The following CACNB2 variants were observed in gnomAD, a reference collection of about 807,000 sequenced individuals.
CACNB2 encodes the protein calcium voltage-gated channel auxiliary subunit beta 2, also known as voltage-dependent L-type calcium channel subunit beta-2.
CACNB2 carries 42 observed loss-of-function variants against 73.3 expected under a neutral mutation model. The ratio of observed to expected loss-of-function variants is 0.57; its 90% CI spans 0.45 to 0.74. The LOEUF is 0.74. CACNB2 is among the 30% of genes least tolerant of loss of function. The probability of loss-of-function intolerance (pLI) is 0.00; values close to 1 mark genes in which losing one functional copy is unlikely to be tolerated. For missense variants in CACNB2, 940 were observed against 853.0 expected (o/e 1.10, Z -1.27); for synonymous variants, 348 against 310.3 (o/e 1.12, Z -1.28).
intron 5 of CACNB2, among the ~76,000 whole-genome samples, chr10:18,502,986 T>C (rs1203201264): frequency 2.6e-5 from 4 of 152,144 alleles, no homozygotes; most frequent in Non-Finnish European, 5.9e-5. Context: ...AAGTTGCCTG[T>C]AAAGATAACC....
At chr10:18,315,293 C>T (rs2131911522) in intron 2 of CACNB2, among the ~76,000 whole-genome samples, 1 of 151,730 alleles carries the variant, frequency 6.6e-6, no homozygotes, top group African/African-American at 2.4e-5. Context: ...AAGATCACAC[C>T]ACTGCACTCC....
intron 3 of CACNB2, among the ~76,000 whole-genome samples, chr10:18,471,812 G>A (rs1347718578): frequency 1.3e-5 from 2 of 152,144 alleles, no homozygotes; most frequent in East Asian, 1.9e-4. Context: ...AGAAGAAATC[G>A]CTAGGTAGGG....
At chr10:18,402,119 C>T in intron 3 of CACNB2, 76 bp downstream of exon 3, 5 of 1,496,428 alleles carry the variant, frequency 3.3e-6, no homozygotes, top group Non-Finnish European at 4.6e-6. Flanking sequence ...GGGAGTTTCC[C>T]CTAAAGGTTG....
intron 2 of CACNB2, among the ~76,000 whole-genome samples, chr10:18,167,231 T>G (rs1043188016): frequency 6.6e-6 from 1 of 151,672 alleles, no homozygotes; most frequent in African/African-American, 2.4e-5. Flanking sequence ...CACTTATAAG[T>G]GGGTGGGAGC....
intron 2 of CACNB2, among the ~76,000 whole-genome samples, chr10:18,313,584 T>C (rs2040043107): frequency 6.6e-6 from 1 of 152,188 alleles, no homozygotes; most frequent in Admixed American, 6.5e-5. Flanking sequence ...ATGGAATATC[T>C]CAACACTTCC....
At chr10:18,442,447 G>A (rs2046457402) in intron 3 of CACNB2, among the ~76,000 whole-genome samples, 1 of 152,024 alleles carries the variant, frequency 6.6e-6, no homozygotes, top group Admixed American at 6.5e-5. Flanking sequence ...ACCACGCCTG[G>A]CCGAATCTGG....
At position 18,442,980 on chromosome 10, in the gene CACNB2, ATATATG is replaced by A. The variant is rs1389701768; in HGVS notation, c.333+40943_333+40948del. On this transcript the variant is annotated intron_variant, in intron 3 of 13. Transcript: ENST00000324631. ...TATGTATATATATATGTGTATATAT[ATATATG>A]TATATATATATGTGTATATATATAT... Among the ~76,000 whole-genome samples, 37 of 19,814 alleles carry A rather than the reference ATATATG, an allele frequency of 1.9e-3. 2 individuals carry two copies. Among genetic ancestry groups the A allele is most frequent in the African/African-American group, 3.4e-3 (6 of 1,742 alleles). The allele number at this position is 19,814 out of a possible 152,430, so 13.0% of individuals were successfully genotyped here.
chr10:18,180,642 G>C (rs901118342), intron 2 of CACNB2, among the ~76,000 whole-genome samples: 1 of 152,092 alleles, frequency 6.6e-6, no homozygotes, highest in African/African-American at 2.4e-5. Flanking sequence ...GCACAGAGCA[G>C]ATGCTGAGAA....
At chr10:18,385,491 G>T (rs561461819) in intron 2 of CACNB2, among the ~76,000 whole-genome samples, 1 of 151,076 alleles carries the variant, frequency 6.6e-6, no homozygotes, top group Non-Finnish European at 1.5e-5. Flanking sequence ...GCTGGGCGTG[G>T]TGGTGTGTGC....
At chr10:18,183,576 CT>C (rs1301913744) in intron 2 of CACNB2, among the ~76,000 whole-genome samples, 4 of 152,136 alleles carry the variant, frequency 2.6e-5, no homozygotes, top group African/African-American at 9.7e-5. Context: ...GGGAACCCCT[CT>C]TTATAAAACC....
At chr10:18,261,213 A>G (rs906873969) in intron 2 of CACNB2, 2 of 1,550,180 alleles carry the variant, frequency 1.3e-6, no homozygotes, top group East Asian at 2.4e-5. Flanking sequence ...TGACGAGAAG[A>G]CAAGGCACAG....
In CACNB2 at chr10:18,490,915, T is replaced by G. The variant is rs1164057422; in HGVS notation, c.334-7440T>G. Among the ~76,000 whole-genome samples the G allele has an allele frequency of 2.0e-5, 3 of 152,028 alleles. No individual in the cohort carries two copies. The East Asian group carries it at 5.8e-4, about 30-fold the overall frequency. On this transcript the variant is annotated intron_variant, in intron 3 of 13. Coordinates refer to ENST00000324631, the MANE Select transcript of CACNB2 (RefSeq NM_201596.3). ...ACAGCTTGAAGGACAACCTATTAAC[T>G]AGAGTGCACCTCAGTTACATTTGGC...
At chr10:18,169,210 GTTTAA>G (rs1337152513) in intron 2 of CACNB2, among the ~76,000 whole-genome samples, 1 of 151,832 alleles carries the variant, frequency 6.6e-6, no homozygotes, top group Non-Finnish European at 1.5e-5. Context: ...AAAAAAATAA[GTTTAA>G]TTTAAAGATG....
chr10:18,274,999 T>A (rs1277466827), intron 2 of CACNB2, among the ~76,000 whole-genome samples: 1 of 152,242 alleles, frequency 6.6e-6, no homozygotes, highest in East Asian at 1.9e-4. Context: ...GACACTGATT[T>A]GGACTCTACT....
chr10:18,196,794 A>G (rs1264887873), intron 2 of CACNB2, among the ~76,000 whole-genome samples: 1 of 152,140 alleles, frequency 6.6e-6, no homozygotes, highest in Admixed American at 6.5e-5. Context: ...TGTGTGAACC[A>G]CTTTCTCCTA....
intron 3 of CACNB2, among the ~76,000 whole-genome samples, chr10:18,495,632 C>G (rs1182238785): frequency 6.7e-6 from 1 of 150,290 alleles, no homozygotes; most frequent in Non-Finnish European, 1.5e-5. Context: ...AGGCTGGTCT[C>G]AAACTCCTGG....
chr10:18,531,722 G>GC (rs2053050834), intron 10 of CACNB2: 3 of 152,122 alleles, frequency 2.0e-5, no homozygotes, highest in African/African-American at 7.2e-5. Context: ...GTGGGAGATG[G>GC]TATCCCATTG....
At chr10:18,358,456 A>G (rs1197547854) in intron 2 of CACNB2, among the ~76,000 whole-genome samples, 1 of 151,406 alleles carries the variant, frequency 6.6e-6, no homozygotes, top group African/African-American at 2.4e-5. Flanking sequence ...GAACCTAGGA[A>G]TACAGCAATG....
At chr10:18,521,045 T>G (rs927605139) in intron 9 of CACNB2, among the ~76,000 whole-genome samples, 1 of 152,242 alleles carries the variant, frequency 6.6e-6, no homozygotes, top group East Asian at 1.9e-4. Flanking sequence ...GTACTCAACA[T>G]GAGCAGTGGC....
Sources: gnomAD v4.1 joint callset for allele counts (sites outside exome capture counted in the v4.1 genomes callset) on GRCh38, gnomAD v4.1.1 for gene constraint, MANE v1.5 for transcripts, NCBI Gene and HGNC (gene_info 2026-07-23, HGNC 2026-07-21) for gene names.